The following MAGI1 variants were observed in gnomAD, a reference collection of about 807,000 sequenced individuals.
MAGI1 encodes membrane associated guanylate kinase, WW and PDZ domain containing 1, also known as membrane-associated guanylate kinase, WW and PDZ domain-containing protein 1.
Under a neutral mutation model 139.9 loss-of-function variants are expected in MAGI1, and 58 were observed. The ratio of observed to expected loss-of-function variants is 0.41; its 90% confidence interval spans 0.34 to 0.52. MAGI1 has a LOEUF of 0.52. MAGI1 is among the 20% of genes least tolerant of loss of function. The pLI, the probability that MAGI1 is intolerant of heterozygous loss-of-function variation, is 0.12. For missense variants in MAGI1, 1,874 were observed against 1,901.6 expected, an observed-to-expected ratio of 0.99 and a Z score of 0.27; for synonymous variants, 812 against 737.9, an observed-to-expected ratio of 1.10 and a Z score of -1.63.
At chr3:65,665,376 A>T (rs1163129334) in intron 1 of MAGI1, among the ~76,000 whole-genome samples, 3 of 152,218 alleles carry the variant, frequency 2.0e-5, no homozygotes, top group African/African-American at 7.2e-5. Flanking sequence ...GAAAAGATGG[A>T]AAACAGGCTA....
At chr3:65,941,222 C>G in intron 1 of MAGI1, among the ~76,000 whole-genome samples, 1 of 151,936 alleles carries the variant, frequency 6.6e-6, no homozygotes, top group Non-Finnish European at 1.5e-5. Context: ...TAGCAGGTGC[C>G]TGTAATCCCA....
chr3:65,731,587 C>T (rs1407601728), intron 1 of MAGI1, among the ~76,000 whole-genome samples: 1 of 149,236 alleles, frequency 6.7e-6, no homozygotes, highest in South Asian at 2.1e-4. Flanking sequence ...CCTGGGAAGT[C>T]GAGGCTGCAG....
intron 2 of MAGI1, among the ~76,000 whole-genome samples, chr3:65,601,995 T>C (rs1016459748): frequency 6.6e-6 from 1 of 152,100 alleles, no homozygotes; most frequent in Non-Finnish European, 1.5e-5. Context: ...CCAACAAGCA[T>C]ATGGGAAGAT....
At chr3:66,029,053 CATT>C (rs1317845829) in intron 1 of MAGI1, among the ~76,000 whole-genome samples, 7 of 152,126 alleles carry the variant, frequency 4.6e-5, no homozygotes, top group Admixed American at 1.3e-4. Context: ...GAGTAGGTAT[CATT>C]ATTATCCCCA....
chr3:65,794,759 G>A (rs911346650), intron 1 of MAGI1, among the ~76,000 whole-genome samples: 4 of 151,778 alleles, frequency 2.6e-5, no homozygotes, highest in Admixed American at 2.0e-4. Context: ...ACGATGACAT[G>A]GGCCTTGGTC....
At chr3:66,020,784 C>A (rs919869243) in intron 1 of MAGI1, among the ~76,000 whole-genome samples, 5 of 152,244 alleles carry the variant, frequency 3.3e-5, no homozygotes, top group African/African-American at 9.6e-5. Context: ...GCATAAAATA[C>A]TCAAGTTGAA....
At chr3:65,676,984 A>G (rs1023812151) in intron 1 of MAGI1, among the ~76,000 whole-genome samples, 7 of 152,238 alleles carry the variant, frequency 4.6e-5, no homozygotes, top group East Asian at 1.9e-4. Flanking sequence ...TATTAATTCA[A>G]TGACTCCCGT....
chr3:65,507,982 G>C (rs1165676720), intron 2 of MAGI1, among the ~76,000 whole-genome samples: 1 of 152,122 alleles, frequency 6.6e-6, no homozygotes, highest in Admixed American at 6.5e-5. Context: ...GTGAGGAACA[G>C]AAGCCTGTGC....
intron 12 of MAGI1, among the ~76,000 whole-genome samples, chr3:65,406,803 C>A (rs7630375): frequency 0.039 from 5,706 of 145,294 alleles, 134 homozygotes; most frequent in East Asian, 0.065. Flanking sequence ...ATCTCTCTCT[C>A]TCTATATATA....
chr3:65,680,795 T>TATGATATGATATGATATATG (rs58365928), intron 1 of MAGI1, among the ~76,000 whole-genome samples: 8,573 of 150,996 alleles, frequency 0.057, 311 homozygotes, highest in Non-Finnish European at 0.074. Flanking sequence ...TATGATATGA[T>TATGATATGATATGATATATG]ATACTTTAAT....
At chr3:65,597,956 G>A (rs2082304728) in intron 2 of MAGI1, 1 of 454,372 alleles carries the variant, frequency 2.2e-6, no homozygotes. Flanking sequence ...CCCCTTCCTG[G>A]GAGAGCTGGG....
intron 2 of MAGI1, among the ~76,000 whole-genome samples, chr3:65,590,399 CA>C (rs761202123): frequency 2.0e-4 from 31 of 152,166 alleles, no homozygotes; most frequent in Non-Finnish European, 3.7e-4. Flanking sequence ...ATAAAGATTT[CA>C]ACTTGGTACT....
At chr3:65,684,189 A>G (rs1428451393) in intron 1 of MAGI1, among the ~76,000 whole-genome samples, 1 of 150,298 alleles carries the variant, frequency 6.7e-6, no homozygotes. Context: ...AAAAAAAAGA[A>G]AAGAAAAGAA....
intron 1 of MAGI1, among the ~76,000 whole-genome samples, chr3:65,650,609 C>T (rs796907207): frequency 2.0e-5 from 3 of 152,202 alleles, no homozygotes; most frequent in African/African-American, 7.2e-5. Flanking sequence ...TGATTTCCAA[C>T]GTCTGGCCTC....
At chr3:65,585,958 A>G (rs916059130) in intron 2 of MAGI1, among the ~76,000 whole-genome samples, 8 of 152,162 alleles carry the variant, frequency 5.3e-5, no homozygotes, top group Non-Finnish European at 1.2e-4. Context: ...CTGTAATCCC[A>G]GTACTTTGGG....
At chr3:65,882,860 A>G (rs35099342) in intron 1 of MAGI1, among the ~76,000 whole-genome samples, 30,298 of 149,860 alleles carry the variant, frequency 0.2, 3,180 homozygotes, top group Middle Eastern at 0.3. Flanking sequence ...ACTTGAGCCC[A>G]GGAGGTTGAG....
At chr3:65,923,744 A>T (rs955021268) in intron 1 of MAGI1, among the ~76,000 whole-genome samples, 1 of 152,190 alleles carries the variant, frequency 6.6e-6, no homozygotes, top group Non-Finnish European at 1.5e-5. Context: ...GGCCAATCAC[A>T]TACAGCTGTA....
At chr3:65,865,744 G>A (rs1477562515) in intron 1 of MAGI1, among the ~76,000 whole-genome samples, 1 of 152,142 alleles carries the variant, frequency 6.6e-6, no homozygotes, top group African/African-American at 2.4e-5. Context: ...AGGTTCAAAC[G>A]ATTCTCCTGC....
chr3:65,879,683 T>C (rs2060249487), intron 1 of MAGI1, among the ~76,000 whole-genome samples: 1 of 152,186 alleles, frequency 6.6e-6, no homozygotes, highest in African/African-American at 2.4e-5. Context: ...GGTTTGAAGT[T>C]GATAGTCTAG....
Sources: gnomAD v4.1 joint callset for allele counts (sites outside exome capture counted in the v4.1 genomes callset) on GRCh38, gnomAD v4.1.1 for gene constraint, MANE v1.5 for transcripts, NCBI Gene and HGNC (gene_info 2026-07-23, HGNC 2026-07-21) for gene names.